PDE5A: variants seen among roughly 807,000 people sequenced by gnomAD.
PDE5A encodes cGMP-specific 3',5'-cyclic phosphodiesterase.
PDE5A carries 67 observed loss-of-function variants against 110.2 expected under a neutral mutation model. That is an observed-to-expected ratio of 0.61 (90% CI 0.50 to 0.75). The LOEUF (loss-of-function observed/expected upper bound fraction) is 0.75. Ranked by LOEUF, PDE5A falls within the 30% of genes least tolerant of loss-of-function variation. The pLI is 0.00. For missense variants in PDE5A, 862 were observed against 1,045.1 expected (o/e 0.82, Z 2.42); for synonymous variants, 328 against 351.2 (o/e 0.93, Z 0.74).
intron 1 of PDE5A, 124 bp downstream of exon 1, chr4:119,628,396 T>C: frequency 2.9e-6 from 2 of 694,224 alleles, no homozygotes; most frequent in Admixed American, 3.0e-5. Flanking sequence ...TTGAGGTTTC[T>C]ACCTCGTAAC....
At chr4:119,599,785 A>G (rs1208477554) in intron 2 of PDE5A, among the ~76,000 whole-genome samples, 1 of 151,926 alleles carries the variant, frequency 6.6e-6, no homozygotes, top group Non-Finnish European at 1.5e-5. Flanking sequence ...AATGAAGCTG[A>G]AAAATATTTA....
rs116476850 is a variant in PDE5A, at chr4:119,562,031, A to G, written c.1131+802T>C. 3.0e-3 allele frequency among the ~76,000 whole-genome samples: 458 copies of G among 152,362 alleles called. 1 individual carries two copies. Among genetic ancestry groups the G allele is most frequent in the African/African-American group, 0.01 (431 of 41,596 alleles). ...CGCTCTCTTTCCTATTAATCCACAAATGAACAACCTATTCTTAGGGACTAA... is the reference window on the plus strand; with the variant it reads ...CGCTCTCTTTCCTATTAATCCACAAGTGAACAACCTATTCTTAGGGACTAA... On this transcript the variant is annotated intron_variant, in intron 6 of 20. Coordinates refer to ENST00000354960, the MANE Select transcript of PDE5A (RefSeq NM_001083.4).
intron 3 of PDE5A, among the ~76,000 whole-genome samples, chr4:119,579,081 T>C (rs1728492311): frequency 6.6e-6 from 1 of 151,920 alleles, no homozygotes; most frequent in Non-Finnish European, 1.5e-5. Flanking sequence ...AAAAGACACA[T>C]GAAAAAATGC....
At chr4:119,522,374 T>C (rs552085154) in intron 12 of PDE5A, among the ~76,000 whole-genome samples, 1 of 152,160 alleles carries the variant, frequency 6.6e-6, no homozygotes, top group Non-Finnish European at 1.5e-5. Context: ...GGATGAATCT[T>C]ACTGGGAGAC....
intron 17 of PDE5A, 40 bp downstream of exon 17, chr4:119,505,815 G>T: frequency 1.8e-6 from 2 of 1,135,588 alleles, no homozygotes; most frequent in Non-Finnish European, 2.5e-6. Context: ...AAATTAACTG[G>T]GTAAAAAACT....
At chr4:119,542,721 T>C in intron 9 of PDE5A, 87 bp from the exon 10 acceptor site, 1 of 1,213,536 alleles carries the variant, frequency 8.2e-7, no homozygotes, top group Non-Finnish European at 1.2e-6. Flanking sequence ...AAGATTGTCT[T>C]ACACTTTTCT....
chr4:119,522,660 T>C (rs893940851), intron 12 of PDE5A, among the ~76,000 whole-genome samples: 1 of 152,050 alleles, frequency 6.6e-6, no homozygotes, highest in African/African-American at 2.4e-5. Flanking sequence ...AAGACGGACC[T>C]AATAGAATTG....
At chr4:119,575,466 CCTCAGACTAACAGCTG>C (rs1728300377) in intron 3 of PDE5A, among the ~76,000 whole-genome samples, 2 of 152,178 alleles carry the variant, frequency 1.3e-5, no homozygotes, top group South Asian at 2.1e-4. Context: ...AAGGGAAGCC[CCTCAGACTAACAGCTG>C]ATCTCTCAGC....
chr4:119,611,034 C>T (rs1282185476), intron 1 of PDE5A, among the ~76,000 whole-genome samples: 1 of 152,162 alleles, frequency 6.6e-6, no homozygotes, highest in Non-Finnish European at 1.5e-5. Flanking sequence ...TCCTCTCGCC[C>T]ATGCCAGCAT....
In PDE5A at chr4:119,542,693, C is replaced by G. The variant is rs535771034; in HGVS notation, c.1397-59G>C. The G allele has an allele frequency of 2.7e-6, 4 of 1,459,588 alleles. No homozygotes were observed. The African/African-American group carries it at 5.6e-5, about 20-fold the overall frequency. 90.4% of individuals were successfully genotyped at this position (1,459,588 alleles called of 1,614,324 possible). On this transcript the variant is annotated intron_variant, in intron 9 of 20. Coordinates refer to ENST00000354960, the MANE Select transcript of PDE5A (RefSeq NM_001083.4). Reference sequence around the variant, plus strand: ...TGTTGATTATCATAGTTTTTGTGGACTTTAACAAACACACCCAAAGATTGT... The same window carrying G: ...TGTTGATTATCATAGTTTTTGTGGAGTTTAACAAACACACCCAAAGATTGT...
At chr4:119,529,923 A>G (rs1198470207) in intron 11 of PDE5A, among the ~76,000 whole-genome samples, 2 of 152,136 alleles carry the variant, frequency 1.3e-5, no homozygotes, top group Non-Finnish European at 2.9e-5. Flanking sequence ...CAGCAGCATC[A>G]GCATCTGGGA....
At chr4:119,544,166 T>C (rs1727049623) in intron 9 of PDE5A, among the ~76,000 whole-genome samples, 1 of 152,166 alleles carries the variant, frequency 6.6e-6, no homozygotes, top group Admixed American at 6.6e-5. Flanking sequence ...ATTAAGCCCC[T>C]TTACCACCAT....
chr4:119,609,452 G>T (rs920099656), intron 1 of PDE5A, among the ~76,000 whole-genome samples: 2 of 152,122 alleles, frequency 1.3e-5, no homozygotes, highest in Non-Finnish European at 2.9e-5. Context: ...ATGTAAAAGA[G>T]TTTGAAAAGA....
intron 19 of PDE5A, 85 bp from the exon 20 acceptor site, chr4:119,501,338 T>G (rs1246590870): frequency 1.4e-5 from 11 of 789,036 alleles, no homozygotes; most frequent in East Asian, 2.7e-5. Flanking sequence ...TGAGATGGAG[T>G]CTCACTCTGT....
intron 3 of PDE5A, among the ~76,000 whole-genome samples, chr4:119,571,801 A>C (rs1728147964): frequency 6.6e-6 from 1 of 151,950 alleles, no homozygotes; most frequent in African/African-American, 2.4e-5. Context: ...GTAAATCCTC[A>C]CTGTCTTTGA....
At chr4:119,568,653 A>C (rs1728032703) in intron 3 of PDE5A, among the ~76,000 whole-genome samples, 1 of 152,178 alleles carries the variant, frequency 6.6e-6, no homozygotes, top group Non-Finnish European at 1.5e-5. Context: ...AGGGGCACTT[A>C]ATGTGGGTAA....
intron 9 of PDE5A, among the ~76,000 whole-genome samples, chr4:119,547,666 GTAATT>G (rs1343615908): frequency 6.6e-6 from 1 of 151,938 alleles, no homozygotes; most frequent in African/African-American, 2.4e-5. Context: ...CTAAAATGCT[GTAATT>G]TAATTATGAC....
intron 1 of PDE5A, among the ~76,000 whole-genome samples, chr4:119,614,134 C>G (rs1345831987): frequency 3.3e-5 from 5 of 151,546 alleles, no homozygotes; most frequent in African/African-American, 1.2e-4. Flanking sequence ...TCTAAGGACT[C>G]AGGGAACAAA....
At position 119,501,300 on chromosome 4, in the gene PDE5A, T is replaced by TTTAG. The variant is rs755499022; in HGVS notation, c.2407-51_2407-48dup. ...AGACACACAGATGTGCATTTATTTA[T>TTTAG]TTAGTTAGTTATTACTTTATTATTT... On this transcript the variant is annotated intron_variant, in intron 19 of 20. Transcript: ENST00000354960. 9.0e-6 allele frequency: 10 copies of TTTAG among 1,114,024 alleles called. No homozygotes were observed. In the Middle Eastern group the frequency reaches 5.9e-4, roughly 65 times the overall value. The allele number at this position is 1,114,024 out of a possible 1,614,324, so 69.0% of individuals were successfully genotyped here.
Sources: allele counts gnomAD v4.1 joint callset (sites outside exome capture counted in the v4.1 genomes callset), GRCh38; gene constraint gnomAD v4.1.1; transcripts MANE v1.5; gene names NCBI Gene and HGNC (gene_info 2026-07-23, HGNC 2026-07-21).